The following SLC22A9 variants were observed in gnomAD, a reference collection of about 807,000 sequenced individuals.
SLC22A9 encodes the protein solute carrier family 22 member 9.
A neutral mutation model predicts 50.1 loss-of-function variants in SLC22A9; 64 were observed. The ratio of observed to expected loss-of-function variants is 1.28; its 90% CI spans 1.04 to 1.57. SLC22A9 has a LOEUF of 1.57. Among genes scored for constraint, SLC22A9 ranks in the 40% most tolerant of loss-of-function variants. SLC22A9 has a pLI of 0.00. For synonymous variants in SLC22A9, 261 were observed against 242.5 expected (o/e 1.08, Z -0.71); for missense variants, 757 against 676.1 (o/e 1.12, Z -1.33).
Position 63,380,666 on chromosome 11 carries a change from C to G in SLC22A9, c.955-1493C>G, listed in dbSNP as rs75351962. On this transcript the variant is annotated intron_variant, in intron 5 of 9. Coordinates refer to ENST00000279178, the MANE Select transcript of SLC22A9 (RefSeq NM_080866.3). ...GGAGATTTGTATACATACACACAAA[C>G]AAGAGAACAATAGACACCAGAGCCT... Among the ~76,000 whole-genome samples, 929 of 152,148 alleles carry G rather than the reference C, an allele frequency of 6.1e-3. 10 individuals carry two copies. Among genetic ancestry groups the G allele is most frequent in the African/African-American group, 0.02 (850 of 41,512 alleles).
intron 2 of SLC22A9, 53 bp from the exon 3 acceptor site, chr11:63,373,591 T>C: frequency 6.8e-6 from 10 of 1,461,302 alleles, no homozygotes; most frequent in Non-Finnish European, 9.0e-6. Context: ...CTTTGCTAAG[T>C]TTTTCCACTT....
chr11:63,369,908 G>T lies in SLC22A9; in HGVS notation c.-149G>T. On this transcript the variant is annotated 5_prime_UTR_variant, in exon 1 of 10. Transcript: ENST00000279178. Reference sequence around the variant, plus strand: ...AGGAAACTGTTTCCACGGTCCTGCTGCAGAGGGGAAGCACAGTCGTCAAGA... The same window carrying T: ...AGGAAACTGTTTCCACGGTCCTGCTTCAGAGGGGAAGCACAGTCGTCAAGA... 2.6e-6 allele frequency: 2 copies of T among 755,240 alleles called. No individual in the cohort carries two copies. The highest frequency in any genetic ancestry group is 2.1e-5 in the South Asian group (1 of 46,644). 46.8% of individuals were successfully genotyped at this position (755,240 alleles called of 1,614,324 possible). A position where few individuals can be genotyped will look rare whatever the true frequency, so the allele number is the denominator to read the frequency against.
intron 6 of SLC22A9, among the ~76,000 whole-genome samples, chr11:63,386,824 G>C (rs898251617): frequency 6.6e-6 from 1 of 151,312 alleles, no homozygotes; most frequent in Non-Finnish European, 1.5e-5. Context: ...TGTTGTTGAT[G>C]ATTTTGTTTT....
intron 2 of SLC22A9, among the ~76,000 whole-genome samples, chr11:63,372,223 A>C (rs1225126234): frequency 6.6e-6 from 1 of 152,170 alleles, no homozygotes; most frequent in African/African-American, 2.4e-5. Flanking sequence ...ATTTCTCACA[A>C]ACCTAAGAGG....
At chr11:63,375,605 A>T (rs773963071) in intron 4 of SLC22A9, 40 bp from the exon 5 acceptor site, 11 of 1,596,952 alleles carry the variant, frequency 6.9e-6, no homozygotes, top group Non-Finnish European at 9.4e-6. Context: ...GAAATGAGGA[A>T]GTGAAAGTCG....
At chr11:63,402,272 T>G (rs2014964222) in intron 6 of SLC22A9, among the ~76,000 whole-genome samples, 1 of 152,100 alleles carries the variant, frequency 6.6e-6, no homozygotes, top group South Asian at 2.1e-4. Context: ...TCATCCATCT[T>G]GGGTTGAATT....
At chr11:63,387,072 C>G (rs898183367) in intron 6 of SLC22A9, among the ~76,000 whole-genome samples, 1 of 151,928 alleles carries the variant, frequency 6.6e-6, no homozygotes, top group African/African-American at 2.4e-5. Context: ...TAGCTGCAAC[C>G]CACAGATTCT....
At chr11:63,397,675 G>A (rs1309616332) in intron 6 of SLC22A9, among the ~76,000 whole-genome samples, 2 of 152,014 alleles carry the variant, frequency 1.3e-5, no homozygotes, top group African/African-American at 2.4e-5. Context: ...CACGTTTATG[G>A]TAAGTACTAC....
intron 4 of SLC22A9, among the ~76,000 whole-genome samples, chr11:63,375,124 A>G (rs1421323020): frequency 5.3e-5 from 8 of 152,192 alleles, no homozygotes. Flanking sequence ...CAGCCCTACA[A>G]GGTAATATTC....
intron 9 of SLC22A9, among the ~76,000 whole-genome samples, chr11:63,409,285 C>G (rs756404648): frequency 1.3e-5 from 2 of 152,174 alleles, no homozygotes; most frequent in Non-Finnish European, 2.9e-5. Context: ...ATTGCCAGTG[C>G]TTACAGGCCT....
intron 6 of SLC22A9, among the ~76,000 whole-genome samples, chr11:63,384,192 T>C (rs2014619884): frequency 6.6e-6 from 1 of 152,168 alleles, no homozygotes; most frequent in South Asian, 2.1e-4. Context: ...GTTTGTTACA[T>C]AGGTAAACAT....
At chr11:63,379,545 A>C (rs1033600462) in intron 5 of SLC22A9, among the ~76,000 whole-genome samples, 3 of 152,192 alleles carry the variant, frequency 2.0e-5, no homozygotes, top group Non-Finnish European at 4.4e-5. Context: ...TTTCCACAAA[A>C]GTTTTCAACA....
At position 63,373,985 on chromosome 11, in the gene SLC22A9, G is replaced by A; in HGVS notation, c.753G>A (p.Leu251=). 4.3e-6 allele frequency: 7 copies of A among 1,613,602 alleles called. No homozygotes were observed. Among genetic ancestry groups the A allele is most frequent in the South Asian group, 3.3e-5 (3 of 91,070 alleles). The stretch of plus-strand genomic sequence containing the variant: ...TTGCATTTATGACCCTGGCAGGCCT[G>A]GCTTTTGCCATTCGAGACTGGCATA... ...SGIAFMTLAG[L]AFAIRDWHIL... The change falls in exon 4 of 10, where the codon CTG becomes CTA. Residue 251 remains leucine (L), a synonymous_variant. Coordinates refer to ENST00000279178, the MANE Select transcript of SLC22A9 (RefSeq NM_080866.3).
chr11:63,397,240 G>T (rs555389592), intron 6 of SLC22A9, among the ~76,000 whole-genome samples: 369 of 152,276 alleles, frequency 2.4e-3, no homozygotes, highest in African/African-American at 8.2e-3. Flanking sequence ...TGGGCATTTT[G>T]TCTCTATACT....
intron 9 of SLC22A9, among the ~76,000 whole-genome samples, chr11:63,409,235 G>T (rs1439787600): frequency 6.6e-6 from 1 of 152,034 alleles, no homozygotes; most frequent in Non-Finnish European, 1.5e-5. Context: ...TTCATCCCTG[G>T]GAAACCCTCA....
rs763323862 is a variant in SLC22A9, at chr11:63,408,860, A to C, written c.1582A>C (p.Ile528Leu). Residue 528 changes from isoleucine (I) to leucine (L), a missense_variant, in exon 9 of 10, where the codon ATC becomes CTC. Physicochemically the swap from Ile to Leu is conservative, Grantham distance 5. Coordinates refer to ENST00000279178, the MANE Select transcript of SLC22A9 (RefSeq NM_080866.3). ...CAGGAACAAGCCTCTGTTTGACACC[A>C]TCCAGGATGAGAAAAATGAGTGAGT... ...ETRNKPLFDT[I>L]QDEKNERKDP... is the part of the protein sequence containing the mutation. The C allele has an allele frequency of 5.6e-6, 9 of 1,613,846 alleles. No individual in the cohort carries two copies. In the South Asian group the frequency reaches 7.7e-5, roughly 14 times the overall value.
chr11:63,406,174 GA>G (rs2015032389), intron 6 of SLC22A9, among the ~76,000 whole-genome samples: 1 of 152,136 alleles, frequency 6.6e-6, no homozygotes, highest in African/African-American at 2.4e-5. Context: ...TTATCAAATA[GA>G]AGCTACCAAA....
intron 6 of SLC22A9, among the ~76,000 whole-genome samples, chr11:63,394,169 T>G (rs1274818269): frequency 4.6e-5 from 7 of 152,206 alleles, no homozygotes; most frequent in Non-Finnish European, 7.3e-5. Context: ...TTCTCTAAAC[T>G]GGTTATTCTA....
chr11:63,399,060 A>T (rs1265150315), intron 6 of SLC22A9, among the ~76,000 whole-genome samples: 1 of 152,222 alleles, frequency 6.6e-6, no homozygotes, highest in Non-Finnish European at 1.5e-5. Context: ...TCTCTAATAG[A>T]TACATAAAAA....
Sources: gnomAD v4.1 joint callset for allele counts (sites outside exome capture counted in the v4.1 genomes callset) on GRCh38, gnomAD v4.1.1 for gene constraint, MANE v1.5 for transcripts, NCBI Gene and HGNC (gene_info 2026-07-23, HGNC 2026-07-21) for gene names.